The following ARHGAP22 variants were observed in gnomAD, a reference collection of about 807,000 sequenced individuals.
ARHGAP22 encodes Rho GTPase activating protein 22.
ARHGAP22 carries 48 observed loss-of-function variants against 59.1 expected under a neutral mutation model. The observed-to-expected ratio is 0.81, with a 90% confidence interval of 0.64 to 1.03. The LOEUF is 1.03. Among genes scored for constraint, ARHGAP22 ranks in the 50% least tolerant of loss-of-function variants. The pLI is 0.00. For synonymous variants in ARHGAP22, 445 were observed against 416.4 expected, an observed-to-expected ratio of 1.07 and a Z score of -0.84; for missense variants, 1,015 against 958.7, an observed-to-expected ratio of 1.06 and a Z score of -0.78.
At chr10:48,554,366 TG>T (rs2057137631) in intron 3 of ARHGAP22, among the ~76,000 whole-genome samples, 1 of 152,146 alleles carries the variant, frequency 6.6e-6, no homozygotes, top group Non-Finnish European at 1.5e-5. Context: ...TCAGGGTGGC[TG>T]GGGTGGCTTT....
intron 3 of ARHGAP22, among the ~76,000 whole-genome samples, chr10:48,531,244 A>T (rs2054816436): frequency 6.6e-6 from 1 of 152,158 alleles, no homozygotes; most frequent in Non-Finnish European, 1.5e-5. Flanking sequence ...CATAAGAATG[A>T]TACAATGGAC....
intron 4 of ARHGAP22, among the ~76,000 whole-genome samples, chr10:48,460,755 C>T (rs532115379): frequency 3.6e-4 from 51 of 142,634 alleles, no homozygotes; most frequent in African/African-American, 1.3e-3. Flanking sequence ...AGTACCAAGA[C>T]GTGGTATTTG....
At chr10:48,614,238 G>A (rs928444925) in intron 1 of ARHGAP22, among the ~76,000 whole-genome samples, 1 of 152,254 alleles carries the variant, frequency 6.6e-6, no homozygotes, top group Non-Finnish European at 1.5e-5. Flanking sequence ...GTTTTCACAA[G>A]GTAGTGTCTC....
chr10:48,461,667 C>A lies in ARHGAP22; in HGVS notation c.452-1776G>T, dbSNP rs145052071. ...GTTGAGATCCATAAAGCTGTCTACA[C>A]CACGGCACAGTAACTGGAGAAACAG... On this transcript the variant is annotated intron_variant, in intron 4 of 9. Coordinates refer to ENST00000249601, the MANE Select transcript of ARHGAP22 (RefSeq NM_021226.4). Among the ~76,000 whole-genome samples, 169 of 152,306 alleles carry A rather than the reference C, an allele frequency of 1.1e-3. 4 individuals are homozygous for A. The highest frequency in any genetic ancestry group is 0.011 in the South Asian group (51 of 4,826).
chr10:48,524,234 G>T lies in ARHGAP22; in HGVS notation c.322+31229C>A, dbSNP rs1199260538. ...GCAGGGTGCGCGGGACCGCCGGCCCGCGGCTCCCGGGCCCTCACACTCCAC... is the reference window on the plus strand; with the variant it reads ...GCAGGGTGCGCGGGACCGCCGGCCCTCGGCTCCCGGGCCCTCACACTCCAC... On this transcript the variant is annotated intron_variant, in intron 3 of 9. Transcript: ENST00000249601. 10 of 447,808 alleles carry T rather than the reference G, an allele frequency of 2.2e-5. No homozygotes were observed. The East Asian group carries it at 9.1e-4, about 41-fold the overall frequency. 27.7% of individuals were successfully genotyped at this position (447,808 alleles called of 1,614,324 possible).
chr10:48,583,858 A>G (rs558107549), intron 1 of ARHGAP22, among the ~76,000 whole-genome samples: 1 of 151,996 alleles, frequency 6.6e-6, no homozygotes, highest in Non-Finnish European at 1.5e-5. Context: ...AGGGGCCAGC[A>G]CTCCTACCCC....
At chr10:48,625,951 A>G (rs1055430933) in intron 1 of ARHGAP22, among the ~76,000 whole-genome samples, 1 of 152,074 alleles carries the variant, frequency 6.6e-6, no homozygotes, top group Non-Finnish European at 1.5e-5. Flanking sequence ...TGCTTCCCCA[A>G]ATGCTCAGCT....
In ARHGAP22 at chr10:48,611,021, T is replaced by G. The variant is rs74949366; in HGVS notation, c.53-27869A>C. Among the ~76,000 whole-genome samples, 1,236 of 152,334 alleles carry G rather than the reference T, an allele frequency of 8.1e-3. 16 individuals carry two copies. The highest frequency in any genetic ancestry group is 0.028 in the African/African-American group (1,173 of 41,586). ...ATTTTAAGCCTCTGTAAATGTTGGATTCATGGAAATACTACTCACCTAGGA... is the reference window on the plus strand; with the variant it reads ...ATTTTAAGCCTCTGTAAATGTTGGAGTCATGGAAATACTACTCACCTAGGA... On this transcript the variant is annotated intron_variant, in intron 1 of 9. Transcript: ENST00000435790.
chr10:48,519,416 C>T (rs1187481154), intron 3 of ARHGAP22, among the ~76,000 whole-genome samples: 1 of 152,246 alleles, frequency 6.6e-6, no homozygotes, highest in Non-Finnish European at 1.5e-5. Context: ...ATGCCCAGAG[C>T]TCATCTATTA....
At chr10:48,544,705 G>A (rs750053616) in intron 3 of ARHGAP22, among the ~76,000 whole-genome samples, 5 of 152,118 alleles carry the variant, frequency 3.3e-5, no homozygotes, top group Non-Finnish European at 7.3e-5. Context: ...ATCAAAGATG[G>A]CTATAGTTAA....
At chr10:48,555,412 C>A (rs2057231865) in intron 3 of ARHGAP22, 51 bp downstream of exon 3, 2 of 1,564,796 alleles carry the variant, frequency 1.3e-6, no homozygotes, top group Admixed American at 3.3e-5. Context: ...AGGCCAGGGG[C>A]ATGGCAACAC....
intron 1 of ARHGAP22, among the ~76,000 whole-genome samples, chr10:48,627,889 T>C (rs1357612532): frequency 6.6e-6 from 1 of 152,208 alleles, no homozygotes; most frequent in African/African-American, 2.4e-5. Flanking sequence ...GAGGCTGGCT[T>C]AGCCCAGAGG....
At chr10:48,585,366 A>T (rs1392079541) in intron 1 of ARHGAP22, among the ~76,000 whole-genome samples, 2 of 152,052 alleles carry the variant, frequency 1.3e-5, no homozygotes, top group African/African-American at 4.8e-5. Flanking sequence ...CTCCATACTA[A>T]CATTGGCCCC....
intron 9 of ARHGAP22, among the ~76,000 whole-genome samples, chr10:48,449,223 G>C (rs2045655727): frequency 6.6e-6 from 1 of 152,226 alleles, no homozygotes; most frequent in Admixed American, 6.5e-5. Context: ...GAGGCCCTTG[G>C]GTTCTACTGA....
intron 8 of ARHGAP22, chr10:48,451,382 A>T: frequency 1.4e-6 from 1 of 714,832 alleles, no homozygotes; most frequent in South Asian, 1.5e-5. Flanking sequence ...GCAGGGAGGA[A>T]GCACTGTGCC....
intron 2 of ARHGAP22, among the ~76,000 whole-genome samples, chr10:48,569,148 G>A (rs1016535353): frequency 6.6e-6 from 1 of 152,200 alleles, no homozygotes; most frequent in Non-Finnish European, 1.5e-5. Flanking sequence ...GGGGTATATG[G>A]TGTCTCTGTG....
chr10:48,635,263 G>A (rs552323901), intron 1 of ARHGAP22, among the ~76,000 whole-genome samples: 90 of 152,214 alleles, frequency 5.9e-4, no homozygotes, highest in South Asian at 2.3e-3. Context: ...CCTGGACCCC[G>A]ACTCCCTGTC....
At chr10:48,646,000 G>T (rs977093926) in intron 1 of ARHGAP22, among the ~76,000 whole-genome samples, 4 of 152,114 alleles carry the variant, frequency 2.6e-5, no homozygotes, top group Non-Finnish European at 5.9e-5. Flanking sequence ...GTTTTTCAAA[G>T]TTGCAGAATA....
intron 3 of ARHGAP22, among the ~76,000 whole-genome samples, chr10:48,502,484 G>A (rs1305674200): frequency 6.6e-6 from 1 of 152,130 alleles, no homozygotes; most frequent in Non-Finnish European, 1.5e-5. Context: ...CTTCCCACTG[G>A]GCTCCTGCTT....
Sources: gnomAD v4.1 joint callset for allele counts (sites outside exome capture counted in the v4.1 genomes callset) on GRCh38, gnomAD v4.1.1 for gene constraint, MANE v1.5 for transcripts, NCBI Gene and HGNC (gene_info 2026-07-23, HGNC 2026-07-21) for gene names.